BCAR3: variants seen among roughly 807,000 people sequenced by gnomAD.
BCAR3 encodes the protein breast cancer anti-estrogen resistance protein 3.
Under a neutral mutation model 80.1 loss-of-function variants are expected in BCAR3, and 37 were observed. The ratio of observed to expected loss-of-function variants is 0.46; its 90% CI spans 0.36 to 0.61. The LOEUF is 0.61. BCAR3 is among the 20% of genes least tolerant of loss of function. The pLI is 0.00. For missense variants in BCAR3, 978 were observed against 1,068.2 expected (o/e 0.92, Z 1.18); for synonymous variants, 389 against 418.9 (o/e 0.93, Z 0.87).
intron 2 of BCAR3, among the ~76,000 whole-genome samples, chr1:93,712,393 G>A (rs534722430): frequency 1.3e-5 from 2 of 152,278 alleles, no homozygotes; most frequent in South Asian, 4.1e-4. Flanking sequence ...TGGATCATAT[G>A]GGATTGTGCC....
intron 2 of BCAR3, among the ~76,000 whole-genome samples, chr1:93,745,219 A>C (rs1399712034): frequency 1.3e-5 from 2 of 152,216 alleles, no homozygotes; most frequent in Non-Finnish European, 1.5e-5. Flanking sequence ...CTGGGAGTGG[A>C]GGGAAAGAAG....
intron 3 of BCAR3, among the ~76,000 whole-genome samples, chr1:93,616,025 G>C (rs969211444): frequency 6.6e-6 from 1 of 152,152 alleles, no homozygotes; most frequent in Non-Finnish European, 1.5e-5. Context: ...ATGCATTCCT[G>C]AAAGTAATAT....
chr1:93,712,929 A>G (rs934258754), intron 2 of BCAR3, among the ~76,000 whole-genome samples: 1 of 152,150 alleles, frequency 6.6e-6, no homozygotes, highest in African/African-American at 2.4e-5. Context: ...TTATCTCTAT[A>G]TGGCTGGTCT....
chr1:93,614,207 T>G, intron 3 of BCAR3: 1 of 1,188,780 alleles, frequency 8.4e-7, no homozygotes, highest in Non-Finnish European at 1.1e-6. Context: ...TGACCAGACT[T>G]GCTTTCTGAT....
chr1:93,830,001 C>G (rs1039689064), intron 2 of BCAR3, among the ~76,000 whole-genome samples: 4 of 152,280 alleles, frequency 2.6e-5, no homozygotes, highest in Middle Eastern at 3.4e-3. Context: ...CCTCCCCACT[C>G]ACTCTCTCTT....
intron 2 of BCAR3, among the ~76,000 whole-genome samples, chr1:93,842,452 G>T (rs1654995099): frequency 6.6e-6 from 1 of 152,092 alleles, no homozygotes; most frequent in Non-Finnish European, 1.5e-5. Context: ...TACCACGCCT[G>T]GACTATCATC....
chr1:93,819,971 A>G (rs1654159274), intron 2 of BCAR3, among the ~76,000 whole-genome samples: 1 of 152,072 alleles, frequency 6.6e-6, no homozygotes, highest in African/African-American at 2.4e-5. Context: ...CTTTGTGTCC[A>G]TGTGTACTCA....
At chr1:93,751,392 A>G (rs1651551960) in intron 2 of BCAR3, among the ~76,000 whole-genome samples, 1 of 151,800 alleles carries the variant, frequency 6.6e-6, no homozygotes, top group African/African-American at 2.4e-5. Flanking sequence ...CCCACTTGCT[A>G]CCTACAATAC....
chr1:93,701,381 C>T (rs1441366035), intron 3 of BCAR3, among the ~76,000 whole-genome samples: 2 of 152,190 alleles, frequency 1.3e-5, no homozygotes, highest in African/African-American at 4.8e-5. Context: ...ACGTGTCTTC[C>T]ATTGGAATGG....
chr1:93,695,698 C>T (rs1420061549), intron 3 of BCAR3, among the ~76,000 whole-genome samples: 1 of 152,222 alleles, frequency 6.6e-6, no homozygotes, highest in Non-Finnish European at 1.5e-5. Context: ...GTCAGGCCTG[C>T]CTCAGCCCCT....
At chr1:93,834,289 T>G (rs1231447960) in intron 2 of BCAR3, among the ~76,000 whole-genome samples, 2 of 152,218 alleles carry the variant, frequency 1.3e-5, no homozygotes, top group African/African-American at 4.8e-5. Flanking sequence ...CTGCGCTTTA[T>G]CAACCAAATT....
At chr1:93,656,338 A>G (rs1647378894) in intron 2 of BCAR3, among the ~76,000 whole-genome samples, 1 of 149,092 alleles carries the variant, frequency 6.7e-6, no homozygotes, top group African/African-American at 2.5e-5. Context: ...CATACTTTCC[A>G]TTGCCTTTTC....
intron 3 of BCAR3, among the ~76,000 whole-genome samples, chr1:93,631,402 C>T (rs1675615001): frequency 6.6e-6 from 1 of 152,148 alleles, no homozygotes; most frequent in East Asian, 1.9e-4. Context: ...ACAATTCAAC[C>T]CACAGCAGTG....
At chr1:93,745,452 G>A (rs1034816355) in intron 2 of BCAR3, among the ~76,000 whole-genome samples, 4 of 152,178 alleles carry the variant, frequency 2.6e-5, no homozygotes, top group African/African-American at 9.7e-5. Flanking sequence ...TTAGCTTCTT[G>A]AGCTGAAATG....
intron 3 of BCAR3, among the ~76,000 whole-genome samples, chr1:93,705,798 A>T (rs1340394288): frequency 6.6e-6 from 1 of 152,192 alleles, no homozygotes; most frequent in Admixed American, 6.5e-5. Context: ...AATGTCAGAC[A>T]GAACAATTAT....
chr1:93,712,554 T>C (rs149764587), intron 2 of BCAR3, among the ~76,000 whole-genome samples: 13 of 152,348 alleles, frequency 8.5e-5, no homozygotes, highest in African/African-American at 2.9e-4. Context: ...GTAAACATAC[T>C]CTTGACATTT....
intron 2 of BCAR3, among the ~76,000 whole-genome samples, chr1:93,841,897 T>TC (rs1456005249): frequency 6.6e-6 from 1 of 152,164 alleles, no homozygotes; most frequent in Non-Finnish European, 1.5e-5. Context: ...TCAGCCTCCA[T>TC]TATTTTCCCA....
intron 2 of BCAR3, among the ~76,000 whole-genome samples, chr1:93,765,679 T>A (rs1250932589): frequency 6.6e-6 from 1 of 152,044 alleles, no homozygotes; most frequent in Non-Finnish European, 1.5e-5. Flanking sequence ...GCAATTTTTT[T>A]TTTTTTTTAG....
chr1:93,677,461 AC>A (rs1179312906), intron 1 of BCAR3, among the ~76,000 whole-genome samples: 19 of 152,160 alleles, frequency 1.2e-4, no homozygotes, highest in African/African-American at 4.6e-4. Flanking sequence ...GAAGGGAAGG[AC>A]CGAACCCAGT....
Sources: allele counts gnomAD v4.1 joint callset (sites outside exome capture counted in the v4.1 genomes callset), GRCh38; gene constraint gnomAD v4.1.1; transcripts MANE v1.5; gene names NCBI Gene and HGNC (gene_info 2026-07-23, HGNC 2026-07-21).